PDE1C: variants seen among roughly 807,000 people sequenced by gnomAD.
PDE1C encodes phosphodiesterase 1C.
A neutral mutation model predicts 93.1 loss-of-function variants in PDE1C; 62 were observed. That is an observed-to-expected ratio of 0.67 (90% CI 0.54 to 0.82). The LOEUF (loss-of-function observed/expected upper bound fraction) is 0.82, where lower values mean the gene tolerates loss of function less well. Among genes scored for constraint, PDE1C ranks in the 40% least tolerant of loss-of-function variants. The pLI, the probability that PDE1C is intolerant of heterozygous loss-of-function variation, is 0.00. For missense variants in PDE1C, 742 were observed against 884.6 expected, an observed-to-expected ratio of 0.84 and a Z score of 2.04; for synonymous variants, 325 against 310.1, an observed-to-expected ratio of 1.05 and a Z score of -0.50.
chr7:31,874,461 T>A (rs1796303062), intron 5 of PDE1C, among the ~76,000 whole-genome samples: 1 of 152,190 alleles, frequency 6.6e-6, no homozygotes. Context: ...AGGTGTCAGA[T>A]GGTACACTGG....
At chr7:32,107,529 T>A (rs1263599667) in intron 3 of PDE1C, among the ~76,000 whole-genome samples, 1 of 151,962 alleles carries the variant, frequency 6.6e-6, no homozygotes, top group Non-Finnish European at 1.5e-5. Context: ...AGTCAAAAAA[T>A]ACCAACTTAG....
chr7:31,761,366 G>C (rs751129135), intron 17 of PDE1C, among the ~76,000 whole-genome samples: 1 of 152,056 alleles, frequency 6.6e-6, no homozygotes, highest in Non-Finnish European at 1.5e-5. Flanking sequence ...CAATAATTTT[G>C]AAGCAATAAT....
At chr7:31,789,979 G>A in intron 16 of PDE1C, 1 of 1,247,374 alleles carries the variant, frequency 8.0e-7, no homozygotes. Flanking sequence ...GTTTCTGTTT[G>A]AGTAAAAATC....
At chr7:31,932,112 C>A (rs1320069077) in intron 2 of PDE1C, among the ~76,000 whole-genome samples, 1 of 152,120 alleles carries the variant, frequency 6.6e-6, no homozygotes, top group Non-Finnish European at 1.5e-5. Context: ...ACAATAAAAA[C>A]CCTAGAAGAA....
chr7:31,690,669 A>T, the PDE1C span, among the ~76,000 whole-genome samples: 3 of 152,246 alleles, frequency 2.0e-5, no homozygotes, highest in African/African-American at 7.2e-5. Context: ...TATTAGGCAC[A>T]TAAGAACAGC....
chr7:32,034,601 C>G (rs1180094000), intron 2 of PDE1C, among the ~76,000 whole-genome samples: 1 of 152,078 alleles, frequency 6.6e-6, no homozygotes, highest in African/African-American at 2.4e-5. Context: ...TTCAAATGCA[C>G]AAAAAATCTA....
chr7:31,778,361 C>T (rs1783160399), intron 16 of PDE1C, among the ~76,000 whole-genome samples: 1 of 152,156 alleles, frequency 6.6e-6, no homozygotes, highest in South Asian at 2.1e-4. Flanking sequence ...GCCTCTGTGT[C>T]CCACAAGATT....
chr7:32,298,691 C>T (rs766329026), exon 1 of PDE1C: 58 of 1,607,750 alleles, frequency 3.6e-5, no homozygotes, highest in Middle Eastern at 1.6e-4. Flanking sequence ...AAGTGGCGCT[C>T]CGGCATTTTT....
chr7:31,786,512 T>A (rs1783957120), intron 16 of PDE1C: 1 of 152,186 alleles, frequency 6.6e-6, no homozygotes, highest in Admixed American at 6.5e-5. Context: ...TCAGGGAAAT[T>A]TGAATTTTGT....
At chr7:31,679,636 C>T in the PDE1C span, among the ~76,000 whole-genome samples, 1 of 152,196 alleles carries the variant, frequency 6.6e-6, no homozygotes, top group African/African-American at 2.4e-5. Context: ...CTACATTGCA[C>T]ATACCTTAAA....
At chr7:32,218,480 G>A (rs919600949) in intron 1 of PDE1C, among the ~76,000 whole-genome samples, 2 of 152,222 alleles carry the variant, frequency 1.3e-5, no homozygotes, top group Admixed American at 6.5e-5. Context: ...TCCCTGGCTC[G>A]TGCAGCCCAG....
At chr7:31,788,156 T>C (rs1215720654) in intron 16 of PDE1C, 4 of 152,186 alleles carry the variant, frequency 2.6e-5, no homozygotes, top group African/African-American at 7.2e-5. Flanking sequence ...TTGTTTCTTG[T>C]TGCTTGTTAG....
In PDE1C at chr7:32,054,385, A is replaced by T. The variant is rs539939207; in HGVS notation, c.102-2805T>A. Among the ~76,000 whole-genome samples, 27 of 152,306 alleles carry T rather than the reference A, an allele frequency of 1.8e-4. No individual in the cohort carries two copies. In the South Asian group the frequency reaches 2.3e-3, roughly 13 times the overall value. ...TTTCTGCATCTGTGAAATGGATGAG[A>T]TGATCTCAAATGAGATAGTGTATTA... On this transcript the variant is annotated intron_variant, in intron 1 of 17. Coordinates refer to ENST00000396191, the MANE Select transcript of PDE1C (RefSeq NM_001191057.4).
chr7:31,637,070 A>T, the PDE1C span, among the ~76,000 whole-genome samples: 7 of 151,740 alleles, frequency 4.6e-5, no homozygotes, highest in African/African-American at 9.7e-5. Context: ...TGAATTCATC[A>T]TTTTTTTATG....
chr7:32,366,489 T>C (rs1204954293), intron 1 of PDE1C, among the ~76,000 whole-genome samples: 3 of 151,674 alleles, frequency 2.0e-5, no homozygotes, highest in Non-Finnish European at 4.4e-5. Flanking sequence ...GAAAAAGATA[T>C]AGGGAATATA....
At chr7:32,234,055 A>C (rs1807902277) in intron 1 of PDE1C, among the ~76,000 whole-genome samples, 3 of 152,064 alleles carry the variant, frequency 2.0e-5, no homozygotes, top group Admixed American at 2.0e-4. Context: ...ATAATCTATC[A>C]GTCAAAGAGT....
chr7:32,070,906 C>G (rs1248930087), upstream of PDE1C: 1 of 985,442 alleles, frequency 1.0e-6, no homozygotes, highest in Non-Finnish European at 1.2e-6. Context: ...CACCCGGCTC[C>G]GCCCCGCGCC....
chr7:32,237,800 C>T (rs1420152507), intron 1 of PDE1C, among the ~76,000 whole-genome samples: 30 of 120,932 alleles, frequency 2.5e-4, no homozygotes, highest in Admixed American at 9.2e-4. Context: ...GACAGAGTCT[C>T]GCTCTTGTTG....
intron 2 of PDE1C, among the ~76,000 whole-genome samples, chr7:31,965,793 G>A (rs1003326817): frequency 1.3e-5 from 2 of 152,150 alleles, no homozygotes; most frequent in African/African-American, 4.8e-5. Context: ...AAGAGAGTGG[G>A]GGCAAATATG....
Sources: gnomAD v4.1 joint callset for allele counts (sites outside exome capture counted in the v4.1 genomes callset) on GRCh38, gnomAD v4.1.1 for gene constraint, MANE v1.5 for transcripts, NCBI Gene and HGNC (gene_info 2026-07-23, HGNC 2026-07-21) for gene names.